Variants in SIPA1L2 observed in about 807,000 individuals in gnomAD.
SIPA1L2 encodes signal-induced proliferation-associated 1-like protein 2.
Under a neutral mutation model 163.9 loss-of-function variants are expected in SIPA1L2, and 56 were observed. The ratio of observed to expected loss-of-function variants is 0.34; its 90% CI spans 0.28 to 0.43. SIPA1L2 has a LOEUF of 0.43. Ranked by LOEUF, SIPA1L2 falls within the 20% of genes least tolerant of loss-of-function variation. The pLI is 1.00. For missense variants in SIPA1L2, 1,974 were observed against 2,193.5 expected (o/e 0.90, Z 2.00); for synonymous variants, 877 against 865.7 (o/e 1.01, Z -0.23).
At chr1:232,601,260 G>GC (rs1191408596) in intron 1 of SIPA1L2, among the ~76,000 whole-genome samples, 2 of 152,154 alleles carry the variant, frequency 1.3e-5, no homozygotes, top group Non-Finnish European at 2.9e-5. Flanking sequence ...TTCAAGGAGA[G>GC]CTAATAGCTA....
chr1:232,404,176 G>A lies in SIPA1L2; in HGVS notation c.4765C>T (p.Leu1589Phe). 6.2e-7 allele frequency: 1 copy of A among 1,613,980 alleles called. No individual in the cohort carries two copies. The highest frequency in any genetic ancestry group is 8.5e-7 in the Non-Finnish European group (1 of 1,179,952). Residue 1589 changes from leucine to phenylalanine, a missense_variant and splice_region_variant, in exon 20 of 23, where the codon CTT becomes TTT. Leu to Phe is a conservative substitution (Grantham distance 22, BLOSUM62 0). Coordinates refer to ENST00000674635, the MANE Select transcript of SIPA1L2 (RefSeq NM_020808.5). The stretch of plus-strand genomic sequence containing the variant: ...AGCCCCAGTTCTTCATCTGAGTCAA[G>A]ACCTGAAATAAGATTTAGAATTTTC... Reference protein sequence around the residue: ...LVDAARAFEGLDSDEELGLLC... With the variant: ...LVDAARAFEGFDSDEELGLLC...
At chr1:232,451,730 A>G (rs1663591094) in intron 10 of SIPA1L2, among the ~76,000 whole-genome samples, 1 of 152,050 alleles carries the variant, frequency 6.6e-6, no homozygotes, top group African/African-American at 2.4e-5. Context: ...CCAACAGGAG[A>G]TACTAAAAAA....
chr1:232,464,370 G>C (rs1254239415), intron 9 of SIPA1L2, among the ~76,000 whole-genome samples: 1 of 152,046 alleles, frequency 6.6e-6, no homozygotes, highest in Non-Finnish European at 1.5e-5. Flanking sequence ...AGAAACTGTG[G>C]CTCTAAGATT....
intron 2 of SIPA1L2, among the ~76,000 whole-genome samples, chr1:232,550,683 T>C (rs763099619): frequency 2.0e-5 from 3 of 152,204 alleles, no homozygotes; most frequent in Non-Finnish European, 4.4e-5. Flanking sequence ...GTCTTCTTAA[T>C]GCAGACAACA....
chr1:232,539,131 T>A (rs1334333451), intron 2 of SIPA1L2, among the ~76,000 whole-genome samples: 1 of 152,170 alleles, frequency 6.6e-6, no homozygotes, highest in Non-Finnish European at 1.5e-5. Flanking sequence ...CGGTTCACAA[T>A]CTCCAGCCTT....
chr1:232,575,818 G>A (rs112282801), intron 1 of SIPA1L2, among the ~76,000 whole-genome samples: 4,137 of 152,176 alleles, frequency 0.027, 196 homozygotes, highest in African/African-American at 0.095. Flanking sequence ...TGGGAAATAC[G>A]TGCCGTGGAA....
At chr1:232,462,485 T>C (rs1487884442) in intron 9 of SIPA1L2, 7 of 861,020 alleles carry the variant, frequency 8.1e-6, no homozygotes, top group South Asian at 2.2e-5. Flanking sequence ...TTACCACAAG[T>C]GCACACAATG....
chr1:232,406,762 T>G (rs545052239), intron 19 of SIPA1L2, among the ~76,000 whole-genome samples: 2 of 151,504 alleles, frequency 1.3e-5, no homozygotes, highest in Admixed American at 6.6e-5. Flanking sequence ...TCATGTCTGT[T>G]GAGGGTGAGG....
rs187053345 is a variant in SIPA1L2 at position 232,464,888 on chromosome 1, C to T, written c.2772G>A (p.Ser924=). 380 of 1,613,470 alleles carry T rather than the reference C, an allele frequency of 2.4e-4. 1 individual carries two copies. In the African/African-American group the frequency reaches 4.5e-3, roughly 19 times the overall value. Residue 924 remains serine (S), a synonymous_variant, in exon 9 of 23, where the codon TCG becomes TCA. Transcript: ENST00000674635. ...TGATGTCTTCAGCACAGTTGTCTAC[C>T]GAGGACAGGAGGACACATTCTCCTC... The part of the protein sequence containing the change: ...YERGECVLLS[S]VDNCAEDIRE...
intron 7 of SIPA1L2, among the ~76,000 whole-genome samples, chr1:232,473,492 A>G (rs944069591): frequency 6.6e-6 from 1 of 152,218 alleles, no homozygotes; most frequent in African/African-American, 2.4e-5. Context: ...CTTGTTAGTC[A>G]GTGCTTCATG....
chr1:232,409,933 C>T (rs184008051), intron 19 of SIPA1L2, among the ~76,000 whole-genome samples: 160 of 152,236 alleles, frequency 1.1e-3, no homozygotes, highest in African/African-American at 3.7e-3. Context: ...TGAAATTATA[C>T]TTATAAAAAT....
intron 3 of SIPA1L2, among the ~76,000 whole-genome samples, chr1:232,510,481 C>G (rs1230225882): frequency 6.6e-6 from 1 of 152,208 alleles, no homozygotes; most frequent in East Asian, 1.9e-4. Flanking sequence ...ACCCACAATT[C>G]ACTGACAGGG....
chr1:232,460,748 CA>C (rs529084398), intron 10 of SIPA1L2, 138 bp downstream of exon 10: 749 of 1,042,532 alleles, frequency 7.2e-4, no homozygotes, highest in Non-Finnish European at 9.7e-4. Context: ...CAACATTGTA[CA>C]AATGAGTGAC....
At chr1:232,449,300 C>T (rs1007268573) in intron 10 of SIPA1L2, among the ~76,000 whole-genome samples, 4 of 151,860 alleles carry the variant, frequency 2.6e-5, no homozygotes, top group East Asian at 3.9e-4. Context: ...GGGCGGATCA[C>T]GAGGTCAGGA....
In SIPA1L2 at chr1:232,572,738, CATATATAT is replaced by C. The variant is rs1219493276; in HGVS notation, c.-270+1428_-270+1435del. Among the ~76,000 whole-genome samples, 228 of 39,656 alleles carry C rather than the reference CATATATAT, an allele frequency of 5.7e-3. 2 individuals are homozygous for C. Among genetic ancestry groups the C allele is most frequent in the Non-Finnish European group, 8.6e-3 (157 of 18,292 alleles). 26.0% of individuals were successfully genotyped at this position (39,656 alleles called of 152,430 possible). On this transcript the variant is annotated intron_variant, in intron 2 of 22. Coordinates refer to ENST00000674635, the MANE Select transcript of SIPA1L2 (RefSeq NM_020808.5). ...ATATACACACATATATACATACATACATATATATATATATATATATATATATATATATA... is the reference window on the plus strand; with the variant it reads ...ATATACACACATATATACATACATACATATATATATATATATATATATATA...
intron 4 of SIPA1L2, among the ~76,000 whole-genome samples, chr1:232,491,661 T>C (rs1023531260): frequency 5.3e-5 from 8 of 152,094 alleles, no homozygotes; most frequent in East Asian, 1.9e-4. Flanking sequence ...CAATGAATAT[T>C]TGGAGCACGT....
rs375835329 is a variant in SIPA1L2, at chr1:232,616,453, C to A, written c.-319+13416G>T. Among the ~76,000 whole-genome samples the A allele has an allele frequency of 1.8e-4, 28 of 152,348 alleles. No individual in the cohort carries two copies. In the East Asian group the frequency reaches 4.4e-3, roughly 24 times the overall value. ...AGTGGAAGGGATGGAGGAGACCCTTCTGGGCCAGCCCTTTAGGTGATGCAC... is the reference window on the plus strand; with the variant it reads ...AGTGGAAGGGATGGAGGAGACCCTTATGGGCCAGCCCTTTAGGTGATGCAC... On this transcript the variant is annotated intron_variant, in intron 1 of 22. Coordinates refer to ENST00000674635, the MANE Select transcript of SIPA1L2 (RefSeq NM_020808.5).
At chr1:232,402,530 T>G in intron 21 of SIPA1L2, 57 bp from the exon 22 acceptor site, 17 of 1,506,360 alleles carry the variant, frequency 1.1e-5, no homozygotes, top group Non-Finnish European at 1.5e-5. Flanking sequence ...GCATTTTTGT[T>G]GGTCAAGTTT....
rs374681162 is a variant in SIPA1L2, at chr1:232,532,444, A to T, written c.-269-16836T>A. On this transcript the variant is annotated intron_variant, in intron 2 of 22. Coordinates refer to ENST00000674635, the MANE Select transcript of SIPA1L2 (RefSeq NM_020808.5). The stretch of plus-strand genomic sequence containing the variant: ...CAAGAACTTGATAAATACTAACAGT[A>T]TTTTTGCTGTTGTCATCATCAGTCC... Among the ~76,000 whole-genome samples the T allele has an allele frequency of 6.6e-5, 10 of 152,302 alleles. 1 individual carries two copies. The highest frequency in any genetic ancestry group is 2.4e-4 in the African/African-American group (10 of 41,570).
Sources: gnomAD v4.1 joint callset for allele counts (sites outside exome capture counted in the v4.1 genomes callset) on GRCh38, gnomAD v4.1.1 for gene constraint, MANE v1.5 for transcripts, NCBI Gene and HGNC (gene_info 2026-07-23, HGNC 2026-07-21) for gene names.